PTPRG: variants seen among roughly 807,000 people sequenced by gnomAD.
The protein encoded by PTPRG is receptor-type tyrosine-protein phosphatase gamma.
PTPRG carries 102 observed loss-of-function variants against 165.3 expected under a neutral mutation model. That is an observed-to-expected ratio of 0.62 (90% CI 0.53 to 0.73). The LOEUF (loss-of-function observed/expected upper bound fraction) is 0.73. PTPRG is among the 30% of genes least tolerant of loss of function. PTPRG has a pLI of 0.00. For synonymous variants in PTPRG, 675 were observed against 669.5 expected (o/e 1.01, Z -0.13); for missense variants, 1,866 against 1,861.4 (o/e 1.00, Z -0.05).
At chr3:61,657,178 G>A (rs1702530276) in intron 1 of PTPRG, among the ~76,000 whole-genome samples, 1 of 152,120 alleles carries the variant, frequency 6.6e-6, no homozygotes, top group African/African-American at 2.4e-5. Flanking sequence ...CTGTGGGGGT[G>A]GAGGGGAGCC....
At chr3:61,977,015 T>C (rs1415604309) in intron 2 of PTPRG, among the ~76,000 whole-genome samples, 2 of 152,114 alleles carry the variant, frequency 1.3e-5, no homozygotes, top group African/African-American at 4.8e-5. Flanking sequence ...CATAATGCAT[T>C]GTTTCTCAAC....
chr3:61,914,109 C>T (rs994509258), intron 2 of PTPRG, among the ~76,000 whole-genome samples: 13 of 152,150 alleles, frequency 8.5e-5, no homozygotes, highest in Admixed American at 2.0e-4. Flanking sequence ...AGTTACTTTT[C>T]CTCTCATCTA....
intron 28 of PTPRG, among the ~76,000 whole-genome samples, chr3:62,284,169 C>T (rs942148588): frequency 2.0e-5 from 3 of 152,108 alleles, no homozygotes; most frequent in Middle Eastern, 6.8e-3. Context: ...GGTAGTACTC[C>T]GAGGTGTTTT....
chr3:62,273,926 C>T lies in PTPRG; in HGVS notation c.3465+82C>T, dbSNP rs956431504. The T allele has an allele frequency of 9.5e-6, 13 of 1,368,898 alleles. No individual in the cohort carries two copies. In the African/African-American group the frequency reaches 1.0e-4, roughly 11 times the overall value. 84.8% of individuals were successfully genotyped at this position (1,368,898 alleles called of 1,614,324 possible). A position where few individuals can be genotyped will look rare whatever the true frequency, so the allele number is the denominator to read the frequency against. ...GAGTTTGGGGGTTATGTCTTCTTTG[C>T]ATTAATGTATACACCGAAATGGATT... On this transcript the variant is annotated intron_variant, in intron 23 of 29. Transcript: ENST00000474889. This position sits in a 1 kb window ranked among gnomAD's most constrained non-coding sequence, Gnocchi z 4.1.
In PTPRG at chr3:61,836,070, A is replaced by AT. The variant is rs1218003549; in HGVS notation, c.190+87088_190+87089insT. ...CCCGCGCCCCCCCCCACCAAAAAAA[A>AT]AAATATATATATATATACACACACA... On this transcript the variant is annotated intron_variant, in intron 2 of 29. Coordinates refer to ENST00000474889, the MANE Select transcript of PTPRG (RefSeq NM_002841.4). 1.7e-3 allele frequency among the ~76,000 whole-genome samples: 235 copies of AT among 141,962 alleles called. 2 individuals are homozygous for AT. The highest frequency in any genetic ancestry group is 0.016 in the South Asian group (65 of 3,948). The allele number at this position is 141,962 out of a possible 152,430, so 93.1% of individuals were successfully genotyped here. A position where few individuals can be genotyped will look rare whatever the true frequency, so the allele number is the denominator to read the frequency against.
chr3:61,934,729 A>C (rs2039443651), intron 2 of PTPRG, among the ~76,000 whole-genome samples: 1 of 152,232 alleles, frequency 6.6e-6, no homozygotes. Context: ...TCACATGTAC[A>C]TCCCTAGCTG....
At chr3:61,758,938 A>C (rs149978551) in intron 2 of PTPRG, among the ~76,000 whole-genome samples, 2 of 152,334 alleles carry the variant, frequency 1.3e-5, no homozygotes, top group East Asian at 3.9e-4. Context: ...ATTTAAGCGA[A>C]GAAAGTAACT....
intron 4 of PTPRG, among the ~76,000 whole-genome samples, chr3:62,019,223 A>G (rs866227630): frequency 6.6e-6 from 1 of 152,176 alleles, no homozygotes; most frequent in Non-Finnish European, 1.5e-5. Flanking sequence ...CCATACTTCT[A>G]TCAAAAACAA....
At position 62,277,797 on chromosome 3, in the gene PTPRG, T is replaced by C. The variant is rs566702618; in HGVS notation, c.3765+118T>C. The C allele has an allele frequency of 1.3e-4, 167 of 1,276,392 alleles. 1 individual carries two copies. Among genetic ancestry groups the C allele is most frequent in the Non-Finnish European group, 1.7e-4 (155 of 934,808 alleles). 79.1% of individuals were successfully genotyped at this position (1,276,392 alleles called of 1,614,324 possible). On this transcript the variant is annotated intron_variant, in intron 26 of 29. Transcript: ENST00000474889. ...ATATGCTAGGGAGGGAATTTAAAATTTTTAAATTCTCATCTTGAAGTCTGT... is the reference window on the plus strand; with the variant it reads ...ATATGCTAGGGAGGGAATTTAAAATCTTTAAATTCTCATCTTGAAGTCTGT...
intron 3 of PTPRG, among the ~76,000 whole-genome samples, chr3:61,990,746 C>G (rs1038895374): frequency 2.6e-5 from 4 of 152,180 alleles, no homozygotes; most frequent in Admixed American, 2.6e-4. Flanking sequence ...TCTTTCTCTT[C>G]TTAAAGTGAA....
chr3:61,780,648 C>T (rs1438666382), intron 2 of PTPRG, among the ~76,000 whole-genome samples: 1 of 152,180 alleles, frequency 6.6e-6, no homozygotes, highest in Non-Finnish European at 1.5e-5. Flanking sequence ...GTGTCTCTTC[C>T]TAGTCAGTCC....
At chr3:61,857,196 C>A (rs146774779) in intron 2 of PTPRG, among the ~76,000 whole-genome samples, 2 of 152,012 alleles carry the variant, frequency 1.3e-5, no homozygotes, top group African/African-American at 4.8e-5. Context: ...ATTGTAAAAT[C>A]TTTAGAATTA....
rs80201533 is a variant in PTPRG, at chr3:62,296,667, C to G, written c.*3360C>G. ...ATGCCTGCTTTTTTTTTTTTTTTAA[C>G]AGATGTAATTTCACTTAACCCTTTG... is the stretch of plus-strand genomic sequence containing the variant. On this transcript the variant is annotated 3_prime_UTR_variant, in exon 30 of 30. Coordinates refer to ENST00000474889, the MANE Select transcript of PTPRG (RefSeq NM_002841.4). 7 of 143,752 alleles carry G rather than the reference C, an allele frequency of 4.9e-5. No individual in the cohort carries two copies. Among genetic ancestry groups the G allele is most frequent in the Non-Finnish European group, 1.1e-4 (7 of 66,072 alleles). 8.9% of individuals were successfully genotyped at this position (143,752 alleles called of 1,614,324 possible). A position where few individuals can be genotyped will look rare whatever the true frequency, so the allele number is the denominator to read the frequency against.
chr3:61,736,895 C>T (rs558035433), intron 1 of PTPRG, among the ~76,000 whole-genome samples: 45 of 152,284 alleles, frequency 3.0e-4, no homozygotes, highest in South Asian at 8.3e-4. Flanking sequence ...ATCTCAATAA[C>T]GCTGCTTTAA....
At chr3:61,647,667 C>T (rs1702240193) in intron 1 of PTPRG, among the ~76,000 whole-genome samples, 1 of 151,958 alleles carries the variant, frequency 6.6e-6, no homozygotes, top group Non-Finnish European at 1.5e-5. Flanking sequence ...TGGCAGGCAC[C>T]TGTAGTCCCA....
chr3:61,577,520 A>C (rs1045639070), intron 1 of PTPRG, among the ~76,000 whole-genome samples: 2 of 152,236 alleles, frequency 1.3e-5, no homozygotes, highest in African/African-American at 2.4e-5. Flanking sequence ...AGAATGTGAA[A>C]TATCTCATTA....
Position 61,733,542 on chromosome 3 carries a change from G to C in PTPRG, c.86-15336G>C, listed in dbSNP as rs183104888. Among the ~76,000 whole-genome samples the C allele has an allele frequency of 8.8e-4, 134 of 152,284 alleles. 2 individuals are homozygous for C. Among genetic ancestry groups the C allele is most frequent in the Admixed American group, 8.6e-3 (132 of 15,302 alleles). On this transcript the variant is annotated intron_variant, in intron 1 of 29. Transcript: ENST00000474889. ...TCAGCACAGTGCCTCCTGGTACATGGTAAGTGCTAAAGAAGCATTACCTAT... is the reference window on the plus strand; with the variant it reads ...TCAGCACAGTGCCTCCTGGTACATGCTAAGTGCTAAAGAAGCATTACCTAT...
At chr3:61,672,801 GGGAGAGAGAGGGA>G (rs1265527514) in intron 1 of PTPRG, among the ~76,000 whole-genome samples, 3 of 145,756 alleles carry the variant, frequency 2.1e-5, no homozygotes, top group African/African-American at 5.2e-5. Context: ...GGGAGAGAGG[GGGAGAGAGAGGGA>G]GAGAGAGAGG....
chr3:61,763,879 TATTTAA>T (rs1053123749), intron 2 of PTPRG, among the ~76,000 whole-genome samples: 1 of 152,250 alleles, frequency 6.6e-6, no homozygotes, highest in Admixed American at 6.5e-5. Context: ...TACATTTGGC[TATTTAA>T]ATTTAAATTA....
Sources: gnomAD v4.1 joint callset for allele counts (sites outside exome capture counted in the v4.1 genomes callset) on GRCh38, gnomAD v4.1.1 for gene constraint, Gnocchi (gnomAD v3.1) non-coding constraint, MANE v1.5 for transcripts, NCBI Gene and HGNC (gene_info 2026-07-23, HGNC 2026-07-21) for gene names.